AFAP1: variants seen among roughly 807,000 people sequenced by gnomAD.
AFAP1 encodes the protein actin filament-associated protein 1.
Under a neutral mutation model 93.9 loss-of-function variants are expected in AFAP1, and 75 were observed. The ratio of observed to expected loss-of-function variants is 0.80; its 90% CI spans 0.66 to 0.97. The LOEUF is 0.97. Ranked by LOEUF, AFAP1 falls within the 50% of genes least tolerant of loss-of-function variation. AFAP1 has a pLI of 0.00. For synonymous variants in AFAP1, 517 were observed against 430.7 expected, an observed-to-expected ratio of 1.20 and a Z score of -2.48; for missense variants, 1,201 against 1,050.8, an observed-to-expected ratio of 1.14 and a Z score of -1.98.
intron 1 of AFAP1, among the ~76,000 whole-genome samples, chr4:7,904,426 T>C (rs898665903): frequency 6.6e-6 from 1 of 152,174 alleles, no homozygotes; most frequent in Non-Finnish European, 1.5e-5. Flanking sequence ...TGATAGACTA[T>C]GTTTAGCCAT....
intron 5 of AFAP1, 192 bp downstream of exon 5, chr4:7,842,947 C>A (rs557587452): frequency 2.0e-5 from 12 of 600,736 alleles, no homozygotes; most frequent in Non-Finnish European, 3.5e-5. Context: ...CTTGAACACA[C>A]AACACGGGCG....
intron 1 of AFAP1, among the ~76,000 whole-genome samples, chr4:7,899,529 C>T (rs1034049350): frequency 2.0e-5 from 3 of 152,220 alleles, no homozygotes; most frequent in Admixed American, 6.5e-5. Flanking sequence ...CCTACTAAAG[C>T]ACATTATAAG....
At chr4:7,792,662 C>G (rs10008660) in intron 11 of AFAP1, among the ~76,000 whole-genome samples, 14 of 152,164 alleles carry the variant, frequency 9.2e-5, no homozygotes, top group Admixed American at 7.2e-4. Flanking sequence ...TGTTCCTCAA[C>G]AGGACCACTG....
chr4:7,888,241 A>T (rs1718242999), intron 1 of AFAP1, among the ~76,000 whole-genome samples: 1 of 152,252 alleles, frequency 6.6e-6, no homozygotes. Flanking sequence ...TACAGAAAGG[A>T]CATTATGATT....
At chr4:7,793,867 G>C (rs199657101) in intron 10 of AFAP1, 41 bp from the exon 11 acceptor site, 382 of 1,461,828 alleles carry the variant, frequency 2.6e-4, no homozygotes, top group Middle Eastern at 3.7e-4. Context: ...TTTAACTAAA[G>C]ATTTTTACAT....
intron 1 of AFAP1, among the ~76,000 whole-genome samples, chr4:7,901,351 T>C (rs1273301321): frequency 6.6e-6 from 1 of 152,198 alleles, no homozygotes; most frequent in Non-Finnish European, 1.5e-5. Flanking sequence ...TTTTCCATAC[T>C]TTCCACCGAA....
chr4:7,838,582 CCCTGCT>C lies in AFAP1; in HGVS notation c.662_667del (p.Gln221_Gly223delinsArg). 1 of 1,614,154 alleles carries C rather than the reference CCCTGCT, an allele frequency of 6.2e-7. No individual in the cohort carries two copies. On this transcript the variant is annotated inframe_deletion, in exon 6 of 18. Coordinates refer to ENST00000420658, the MANE Select transcript of AFAP1 (RefSeq NM_001134647.2). ...GACGGCGAGAACAAGCGGGTCCGTG[CCCTGCT>C]GAGTAATCTTCAGCTCGTGCTTCTT... is the stretch of plus-strand genomic sequence containing the variant.
Position 7,760,731 on chromosome 4 carries a change from C to T in AFAP1, c.*3034G>A, listed in dbSNP as rs1713659356. 6.6e-6 allele frequency: 1 copy of T among 152,252 alleles called. No homozygotes were observed. Among genetic ancestry groups the T allele is most frequent in the Non-Finnish European group, 1.5e-5 (1 of 68,048 alleles). 9.4% of individuals were successfully genotyped at this position (152,252 alleles called of 1,614,324 possible). ...TGATGACACCTTAACAAAATAGAGCCAGGAGCAGAGCCCTGAAGAGTGACA... is the reference window on the plus strand; with the variant it reads ...TGATGACACCTTAACAAAATAGAGCTAGGAGCAGAGCCCTGAAGAGTGACA... On this transcript the variant is annotated 3_prime_UTR_variant, in exon 18 of 18. Transcript: ENST00000420658.
chr4:7,855,298 T>C (rs1253434756), intron 4 of AFAP1, among the ~76,000 whole-genome samples, 168 bp downstream of exon 4: 1 of 152,190 alleles, frequency 6.6e-6, no homozygotes, highest in Non-Finnish European at 1.5e-5. Flanking sequence ...GCACTCGGTG[T>C]CCTTCTCAAA....
intron 15 of AFAP1, 112 bp from the exon 16 acceptor site, chr4:7,773,122 C>T: frequency 6.9e-7 from 1 of 1,447,742 alleles, no homozygotes; most frequent in South Asian, 1.5e-5. Context: ...AGGTCGAGCT[C>T]CCCTGACTTA....
At chr4:7,933,339 CCAAGTTGGGCCGATCACGAGGT>C (rs1340458392) in intron 1 of AFAP1, among the ~76,000 whole-genome samples, 2 of 149,010 alleles carry the variant, frequency 1.3e-5, no homozygotes, top group African/African-American at 5.2e-5. Context: ...CTTTGGGAGG[CCAAGTTGGGCCGATCACGAGGT>C]CAAGAGATCG....
At chr4:7,791,347 G>C (rs1717841003) in intron 11 of AFAP1, among the ~76,000 whole-genome samples, 1 of 152,142 alleles carries the variant, frequency 6.6e-6, no homozygotes, top group South Asian at 2.1e-4. Context: ...CAGTCAAGGG[G>C]TGAAAGATGC....
intron 16 of AFAP1, among the ~76,000 whole-genome samples, chr4:7,770,255 C>A (rs779047567): frequency 5.9e-5 from 9 of 152,020 alleles, no homozygotes; most frequent in Non-Finnish European, 1.3e-4. Flanking sequence ...AAGGCAGGAG[C>A]TGGAGAAGGG....
chr4:7,874,355 T>C (rs13111118), intron 1 of AFAP1, among the ~76,000 whole-genome samples: 19 of 116,948 alleles, frequency 1.6e-4, no homozygotes, highest in Admixed American at 1.1e-3. Context: ...ATTGCCTTTT[T>C]CTTTTTTTTT....
rs1260852584 is a variant in AFAP1, at chr4:7,773,289, T to C, written c.2063-279A>G. 7.7e-6 allele frequency: 3 copies of C among 387,902 alleles called. No individual in the cohort carries two copies. In the Admixed American group the frequency reaches 1.3e-4, roughly 17 times the overall value. 24.0% of individuals were successfully genotyped at this position (387,902 alleles called of 1,614,324 possible). A position where few individuals can be genotyped will look rare whatever the true frequency, so the allele number is the denominator to read the frequency against. On this transcript the variant is annotated intron_variant, in intron 15 of 17. Coordinates refer to ENST00000420658, the MANE Select transcript of AFAP1 (RefSeq NM_001134647.2). ...GAGCTCCTGGCTCTGGGCCTCAATGTTCTCATTTTAAAACGTGGACCCTAA... is the reference window on the plus strand; with the variant it reads ...GAGCTCCTGGCTCTGGGCCTCAATGCTCTCATTTTAAAACGTGGACCCTAA...
intron 17 of AFAP1, among the ~76,000 whole-genome samples, chr4:7,764,682 G>T (rs1246458290): frequency 6.6e-6 from 1 of 152,208 alleles, no homozygotes; most frequent in African/African-American, 2.4e-5. Flanking sequence ...GATGGCTGTG[G>T]TCTACGCAGT....
chr4:7,868,444 G>A (rs1553849320), intron 3 of AFAP1, among the ~76,000 whole-genome samples, 178 bp downstream of exon 3: 15,967 of 152,172 alleles, frequency 0.1, 1,167 homozygotes, highest in African/African-American at 0.21. Context: ...TACACCTAGA[G>A]TCTACCAACT....
intron 15 of AFAP1, 28 bp downstream of exon 15, chr4:7,774,711 C>G (rs774307136): frequency 6.2e-7 from 1 of 1,610,284 alleles, no homozygotes; most frequent in Non-Finnish European, 8.5e-7. Flanking sequence ...AAACATGCAC[C>G]CTGGGCAGTC....
At chr4:7,776,744 G>A (rs1423566387) in intron 14 of AFAP1, 1 of 152,172 alleles carries the variant, frequency 6.6e-6, no homozygotes, top group Non-Finnish European at 1.5e-5. Flanking sequence ...CGAAGCATTC[G>A]ACAATCTGAA....
Sources: gnomAD v4.1 joint callset for allele counts (sites outside exome capture counted in the v4.1 genomes callset) on GRCh38, gnomAD v4.1.1 for gene constraint, MANE v1.5 for transcripts, NCBI Gene and HGNC (gene_info 2026-07-23, HGNC 2026-07-21) for gene names.